ZNF503: variants seen among roughly 807,000 people sequenced by gnomAD.
ZNF503 encodes the protein zinc finger protein 503.
A neutral mutation model predicts 34.4 loss-of-function variants in ZNF503; 15 were observed. The ratio of observed to expected loss-of-function variants is 0.44; its 90% CI spans 0.29 to 0.67. ZNF503 has a LOEUF of 0.67. ZNF503 is among the 30% of genes least tolerant of loss of function. The pLI, the probability that ZNF503 is intolerant of heterozygous loss-of-function variation, is 0.13. For missense variants in ZNF503, 1,007 were observed against 926.8 expected, an observed-to-expected ratio of 1.09 and a Z score of -1.12; for synonymous variants, 580 against 456.8, an observed-to-expected ratio of 1.27 and a Z score of -3.44.
At chr10:75,343,719 G>A in the ZNF503 span, among the ~76,000 whole-genome samples, 5 of 152,206 alleles carry the variant, frequency 3.3e-5, no homozygotes, top group South Asian at 2.1e-4. Flanking sequence ...GGCCCTAGCT[G>A]CAGATTCTTT....
the ZNF503 span, among the ~76,000 whole-genome samples, chr10:75,314,315 A>G: frequency 1.3e-5 from 2 of 151,920 alleles, no homozygotes; most frequent in Admixed American, 1.3e-4. Flanking sequence ...GAAAAACAAT[A>G]TAAGAACAAA....
the ZNF503 span, among the ~76,000 whole-genome samples, chr10:75,342,211 C>A: frequency 2.6e-5 from 4 of 152,114 alleles, no homozygotes; most frequent in African/African-American, 9.7e-5. Context: ...ACTATCAAGT[C>A]ATCAGAGGCA....
the ZNF503 span, among the ~76,000 whole-genome samples, chr10:75,323,991 CAAAAAAAAAAA>C: frequency 1.6e-4 from 7 of 42,822 alleles, no homozygotes; most frequent in African/African-American, 4.2e-4. Flanking sequence ...AACTCCGTCT[CAAAAAAAAAAA>C]AAAAAAAAAA....
chr10:75,314,236 C>CAA, the ZNF503 span, among the ~76,000 whole-genome samples: 237 of 89,300 alleles, frequency 2.7e-3, no homozygotes, highest in Middle Eastern at 6.9e-3. Context: ...GACTCCGTCT[C>CAA]AAAAAAAAAA....
the ZNF503 span, among the ~76,000 whole-genome samples, chr10:75,312,316 ATAAC>A: frequency 6.6e-6 from 1 of 152,344 alleles, no homozygotes; most frequent in South Asian, 2.1e-4. Context: ...CAAAAATACA[ATAAC>A]TAAAATAAAA....
the ZNF503 span, among the ~76,000 whole-genome samples, chr10:75,297,745 T>C: frequency 3.9e-5 from 6 of 152,186 alleles, no homozygotes; most frequent in African/African-American, 1.4e-4. Context: ...AATACATACA[T>C]AAAAGTGCAT....
chr10:75,368,002 G>T, the ZNF503 span, among the ~76,000 whole-genome samples: 1 of 152,136 alleles, frequency 6.6e-6, no homozygotes, highest in Admixed American at 6.5e-5. Context: ...CTTGGGGAAG[G>T]CCCAGTAAAC....
At position 75,399,389 on chromosome 10, in the gene ZNF503, C is replaced by G. The variant is rs565308784; in HGVS notation, c.1301G>C (p.Ser434Thr). The stretch of plus-strand genomic sequence containing the variant: ...TGCCAGGTGGCTAGCGCAGTGGTAG[C>G]TGAGGCAGTAAGGGTCCCGGCACAA... ...ASLCRDPYCLSYHCASHLAGA... is the reference protein window; with the variant it reads ...ASLCRDPYCLTYHCASHLAGA... The change falls in exon 2 of 2, where the codon AGC becomes ACC. Residue 434 changes from serine to threonine, a missense_variant. Transcript: ENST00000372524. 6 of 1,606,164 alleles carry G rather than the reference C, an allele frequency of 3.7e-6. No homozygotes were observed. The East Asian group carries it at 6.7e-5, about 18-fold the overall frequency.
the ZNF503 span, among the ~76,000 whole-genome samples, chr10:75,383,422 A>G: frequency 0.046 from 6,971 of 152,000 alleles, 494 homozygotes; most frequent in African/African-American, 0.15. Context: ...TTTCTTTTCT[A>G]GGATTTTCAG....
chr10:75,338,353 AAG>A, the ZNF503 span: 2 of 151,952 alleles, frequency 1.3e-5, no homozygotes, highest in Non-Finnish European at 2.9e-5. Flanking sequence ...GCTTTGGAAA[AAG>A]AGATACCTGG....
At chr10:75,381,972 A>G in the ZNF503 span, among the ~76,000 whole-genome samples, 1 of 151,532 alleles carries the variant, frequency 6.6e-6, no homozygotes, top group Admixed American at 6.6e-5. Flanking sequence ...GTGCTCAACT[A>G]ATTTTTGTAT....
At chr10:75,383,600 C>G in the ZNF503 span, among the ~76,000 whole-genome samples, 2 of 152,228 alleles carry the variant, frequency 1.3e-5, no homozygotes, top group South Asian at 4.1e-4. Context: ...GCCGCTCAGT[C>G]TCCTGGTCAC....
chr10:75,290,310 CT>C, the ZNF503 span, among the ~76,000 whole-genome samples: 4,102 of 152,250 alleles, frequency 0.027, 183 homozygotes, highest in African/African-American at 0.094. Flanking sequence ...TCTTCTTTCT[CT>C]TTTGGTGAAT....
the ZNF503 span, among the ~76,000 whole-genome samples, chr10:75,307,969 A>G: frequency 6.6e-6 from 1 of 152,132 alleles, no homozygotes; most frequent in African/African-American, 2.4e-5. Context: ...AGTTCCAACT[A>G]CTTGGGAGGC....
chr10:75,365,248 A>C, the ZNF503 span, among the ~76,000 whole-genome samples: 9 of 152,182 alleles, frequency 5.9e-5, no homozygotes, highest in Non-Finnish European at 1.2e-4. Context: ...TCCCGAGTTC[A>C]AGCAATTCTC....
At chr10:75,298,575 A>G in the ZNF503 span, among the ~76,000 whole-genome samples, 1 of 152,144 alleles carries the variant, frequency 6.6e-6, no homozygotes, top group East Asian at 1.9e-4. Context: ...TAGATTCACA[A>G]TATTTTGTTC....
the ZNF503 span, among the ~76,000 whole-genome samples, chr10:75,378,729 A>C: frequency 6.6e-6 from 1 of 152,178 alleles, no homozygotes. Flanking sequence ...TGAAGTCAGC[A>C]GGCAGGATAC....
In ZNF503 at chr10:75,401,172, C is replaced by A; in HGVS notation, c.248G>T (p.Arg83Leu). 1 of 1,610,984 alleles carries A rather than the reference C, an allele frequency of 6.2e-7. No individual in the cohort carries two copies. The change falls in exon 1 of 2, where the codon CGA becomes CTA. Residue 83 changes from arginine (R) to leucine (L), a missense_variant. Physicochemically the swap from Arg to Leu is moderately radical, Grantham distance 102. Coordinates refer to ENST00000372524, the MANE Select transcript of ZNF503 (RefSeq NM_032772.6). ...CTCGGGGTGCAAAATGTGGCCAGTT[C>A]GTGCCGTCAGCATCTTCAGCACCTT... The part of the protein sequence containing the change: ...PIKVLKMLTA[R>L]TGHILHPEYL...
At chr10:75,378,088 G>A in the ZNF503 span, among the ~76,000 whole-genome samples, 2 of 151,972 alleles carry the variant, frequency 1.3e-5, no homozygotes, top group African/African-American at 4.8e-5. Context: ...GCACCAGGCA[G>A]GGGAGGCCGG....
Sources: allele counts gnomAD v4.1 joint callset (sites outside exome capture counted in the v4.1 genomes callset), GRCh38; gene constraint gnomAD v4.1.1; transcripts MANE v1.5; gene names NCBI Gene and HGNC (gene_info 2026-07-23, HGNC 2026-07-21).